The following WT1 variants were observed in gnomAD, a reference collection of about 807,000 sequenced individuals.
The protein encoded by WT1 is Wilms tumor protein.
A neutral mutation model predicts 60.8 loss-of-function variants in WT1; 8 were observed. The ratio of observed to expected loss-of-function variants is 0.13; its 90% CI spans 0.08 to 0.24. The LOEUF is 0.24. Ranked by LOEUF, WT1 falls within the 10% of genes least tolerant of loss-of-function variation. The pLI, the probability that WT1 is intolerant of heterozygous loss-of-function variation, is 1.00. For synonymous variants in WT1, 312 were observed against 297.1 expected (o/e 1.05, Z -0.52); for missense variants, 568 against 711.8 (o/e 0.80, Z 2.30).
intron 1 of WT1, chr11:32,430,931 GC>G: frequency 1.0e-6 from 1 of 964,424 alleles, no homozygotes; most frequent in Non-Finnish European, 1.3e-6. Flanking sequence ...GGGGGCAGGG[GC>G]CAGGGGAGGT....
At chr11:32,401,228 G>A (rs76850655) in intron 5 of WT1, among the ~76,000 whole-genome samples, 119 of 152,194 alleles carry the variant, frequency 7.8e-4, no homozygotes, top group African/African-American at 2.6e-3. Flanking sequence ...TTAAAATACC[G>A]TGCTAAGAAG....
rs537329306 is a variant in WT1, at chr11:32,388,680, T to G, written c.*378A>C. 2 of 364,090 alleles carry G rather than the reference T, an allele frequency of 5.5e-6. No individual in the cohort carries two copies. Among genetic ancestry groups the G allele is most frequent in the Admixed American group, 4.2e-5 (1 of 23,666 alleles). The allele number at this position is 364,090 out of a possible 1,614,324, so 22.6% of individuals were successfully genotyped here. A position where few individuals can be genotyped will look rare whatever the true frequency, so the allele number is the denominator to read the frequency against. On this transcript the variant is annotated 3_prime_UTR_variant, in exon 10 of 10. Coordinates refer to ENST00000452863, the MANE Select transcript of WT1 (RefSeq NM_024426.6). ...CATGCCCTGGCCTATAAATATTCCATGATAGAAAATGGTACAATAATTCCA... is the reference window on the plus strand; with the variant it reads ...CATGCCCTGGCCTATAAATATTCCAGGATAGAAAATGGTACAATAATTCCA...
At chr11:32,393,463 G>C (rs542744292) in intron 7 of WT1, among the ~76,000 whole-genome samples, 1 of 152,346 alleles carries the variant, frequency 6.6e-6, no homozygotes, top group East Asian at 1.9e-4. Flanking sequence ...CCCAAGAGAA[G>C]TGAGCAACCC....
At chr11:32,432,544 G>A (rs1408340789) in intron 1 of WT1, among the ~76,000 whole-genome samples, 2 of 152,210 alleles carry the variant, frequency 1.3e-5, no homozygotes, top group South Asian at 2.1e-4. Flanking sequence ...TGGAGATGGT[G>A]CTTCCAGGCT....
At chr11:32,401,594 G>A (rs1404946754) in intron 5 of WT1, among the ~76,000 whole-genome samples, 2 of 152,086 alleles carry the variant, frequency 1.3e-5, no homozygotes, top group East Asian at 3.8e-4. Context: ...AGGCTGGAGT[G>A]CAGTGGTGCG....
chr11:32,424,499 TG>T (rs1852960131), intron 3 of WT1, among the ~76,000 whole-genome samples: 1 of 152,226 alleles, frequency 6.6e-6, no homozygotes, highest in Non-Finnish European at 1.5e-5. Flanking sequence ...GGACTCATGC[TG>T]TCATCCAACA....
intron 3 of WT1, among the ~76,000 whole-genome samples, chr11:32,421,290 C>T (rs751499347): frequency 1.3e-5 from 2 of 152,202 alleles, no homozygotes; most frequent in Admixed American, 6.5e-5. Context: ...TCTAATTACT[C>T]AATAACCACT....
In WT1 at chr11:32,423,978, C is replaced by T. The variant is rs568267463; in HGVS notation, c.887+3978G>A. 7.9e-5 allele frequency among the ~76,000 whole-genome samples: 12 copies of T among 152,032 alleles called. 1 individual carries two copies. Among genetic ancestry groups the T allele is most frequent in the Admixed American group, 2.6e-4 (4 of 15,270 alleles). ...GAGTTTGAGACCATCCTGGCTAACA[C>T]GGTGAAACCCCCTCTCTACTAAAAA... On this transcript the variant is annotated intron_variant, in intron 3 of 9. Coordinates refer to ENST00000452863, the MANE Select transcript of WT1 (RefSeq NM_024426.6).
At chr11:32,403,143 A>G (rs1852205196) in intron 5 of WT1, among the ~76,000 whole-genome samples, 1 of 151,688 alleles carries the variant, frequency 6.6e-6, no homozygotes, top group South Asian at 2.1e-4. Flanking sequence ...ATTCTCCTAC[A>G]AGGTCCATGA....
At position 32,417,589 on chromosome 11, in the gene WT1, G is replaced by C. The variant is rs1201042140; in HGVS notation, c.953C>G (p.Ala318Gly). The C allele has an allele frequency of 1.2e-6, 2 of 1,613,874 alleles. No individual in the cohort carries two copies. Among genetic ancestry groups the C allele is most frequent in the East Asian group, 4.5e-5 (2 of 44,852 alleles). ...GAGAAAACCTTACCCCTTTAAGGTG[G>C]CTCCTAAGTTCATCTGATTCCAGGT... Residue 318 changes from alanine to glycine, a missense_variant, in exon 4 of 10, where the codon GCC (alanine) becomes GGC (glycine). Around this residue, in one of 3 missense-constraint regions of WT1, gnomAD observed 523 missense variants for 565.1 expected, o/e 0.93. Coordinates refer to ENST00000452863, the MANE Select transcript of WT1 (RefSeq NM_024426.6).
At chr11:32,403,153 A>G (rs964068451) in intron 5 of WT1, among the ~76,000 whole-genome samples, 3 of 151,098 alleles carry the variant, frequency 2.0e-5, no homozygotes, top group African/African-American at 7.3e-5. Flanking sequence ...AAGGTCCATG[A>G]GGAAAAAAAA....
At chr11:32,394,915 T>C (rs1445034979) in intron 7 of WT1, among the ~76,000 whole-genome samples, 1 of 152,356 alleles carries the variant, frequency 6.6e-6, no homozygotes, top group East Asian at 1.9e-4. Flanking sequence ...TTTATTCCCT[T>C]GCATTTTTCA....
In WT1 at chr11:32,413,973, T is replaced by C. The variant is rs564491661; in HGVS notation, c.1016+2517A>G. Among the ~76,000 whole-genome samples the C allele has an allele frequency of 8.5e-5, 13 of 152,280 alleles. No individual in the cohort carries two copies. In the South Asian group the frequency reaches 2.7e-3, roughly 32 times the overall value. ...AAAATTGGATGTGGCCATAGTGTCC[T>C]GGGGGTGTTGTAAGATCAGATCAGA... On this transcript the variant is annotated intron_variant, in intron 5 of 9. Coordinates refer to ENST00000452863, the MANE Select transcript of WT1 (RefSeq NM_024426.6).
Position 32,435,424 on chromosome 11 carries a change from G to T in WT1, c.-64C>A. ...CTGCCGTCCCGGCTCTGGGTGGGTG[G>T]GTGGGTGAATGAGTAGGTGGGAGGG... is the stretch of plus-strand genomic sequence containing the variant. On this transcript the variant is annotated 5_prime_UTR_variant, in exon 1 of 10. Coordinates refer to ENST00000452863, the MANE Select transcript of WT1 (RefSeq NM_024426.6). The T allele has an allele frequency of 2.6e-6, 1 of 385,392 alleles. No homozygotes were observed. The highest frequency in any genetic ancestry group is 5.0e-6 in the Non-Finnish European group (1 of 201,554). 23.9% of individuals were successfully genotyped at this position (385,392 alleles called of 1,614,324 possible).
intron 5 of WT1, among the ~76,000 whole-genome samples, chr11:32,412,062 C>T (rs895811214): frequency 2.6e-5 from 4 of 152,118 alleles, no homozygotes; most frequent in Admixed American, 2.6e-4. Flanking sequence ...TATCTATTTC[C>T]AAGAAGTAAA....
At position 32,434,962 on chromosome 11, in the gene WT1, C is replaced by G. The variant is rs2133103876; in HGVS notation, c.399G>C (p.Pro133=). Reference sequence around the variant, plus strand: ...GAGGCGGCGGCGGCGGGGGTGGCGGCGGAGCCGGTGGCGGCGCGGGGCCGC... The same window carrying G: ...GAGGCGGCGGCGGCGGGGGTGGCGGGGGAGCCGGTGGCGGCGCGGGGCCGC... The change falls in exon 1 of 10, where the codon CCG becomes CCC. Residue 133 remains proline (P), a synonymous_variant. Transcript: ENST00000452863. 1 of 1,547,324 alleles carries G rather than the reference C, an allele frequency of 6.5e-7. No homozygotes were observed. The highest frequency in any genetic ancestry group is 8.7e-7 in the Non-Finnish European group (1 of 1,150,652).
At chr11:32,416,629 C>T (rs949974640) in intron 4 of WT1, 89 bp from the exon 5 acceptor site, 12 of 1,486,652 alleles carry the variant, frequency 8.1e-6, no homozygotes, top group Non-Finnish European at 1.1e-5. Context: ...TGAAAAGCCC[C>T]TCAATACACA....
At chr11:32,394,121 C>A (rs1203693877) in intron 7 of WT1, among the ~76,000 whole-genome samples, 1 of 152,118 alleles carries the variant, frequency 6.6e-6, no homozygotes, top group Non-Finnish European at 1.5e-5. Context: ...TGGTCTTGAA[C>A]CCCTTAAGCA....
At chr11:32,402,161 G>A (rs1681447396) in intron 5 of WT1, among the ~76,000 whole-genome samples, 1 of 152,196 alleles carries the variant, frequency 6.6e-6, no homozygotes, top group Admixed American at 6.5e-5. Flanking sequence ...AGAAAGAACT[G>A]CCTGCCCCTC....
Sources: gnomAD v4.1 joint callset for allele counts (sites outside exome capture counted in the v4.1 genomes callset) on GRCh38, gnomAD v4.1.1 for gene constraint, gnomAD v4.1.1 regional missense constraint, MANE v1.5 for transcripts, NCBI Gene and HGNC (gene_info 2026-07-23, HGNC 2026-07-21) for gene names.